The following CBLN2 variants were observed in gnomAD, a reference collection of about 807,000 sequenced individuals.
CBLN2 encodes cerebellin-2.
Under a neutral mutation model 15.0 loss-of-function variants are expected in CBLN2, and 7 were observed. That is an observed-to-expected ratio of 0.47 (90% CI 0.27 to 0.88). The LOEUF (loss-of-function observed/expected upper bound fraction) is 0.88. Among genes scored for constraint, CBLN2 ranks in the 40% least tolerant of loss-of-function variants. The pLI is 0.14. For missense variants in CBLN2, 242 were observed against 304.5 expected (o/e 0.79, Z 1.53); for synonymous variants, 149 against 135.2 (o/e 1.10, Z -0.71).
At chr18:72,568,205 C>G (rs1303764077) in intron 1 of CBLN2, among the ~76,000 whole-genome samples, 3 of 152,192 alleles carry the variant, frequency 2.0e-5, no homozygotes, top group Non-Finnish European at 4.4e-5. Context: ...CATGCACTGG[C>G]TCCAGGGTTA....
At position 72,538,205 on chromosome 18, in the gene CBLN2, A is replaced by G; in HGVS notation, c.646T>C (p.Phe216Leu). 1.2e-6 allele frequency: 2 copies of G among 1,614,096 alleles called. No individual in the cohort carries two copies. The highest frequency in any genetic ancestry group is 8.5e-7 in the Non-Finnish European group (1 of 1,180,014). The change falls in exon 5 of 5, where the codon TTC becomes CTC. Residue 216 changes from phenylalanine (F) to leucine (L), a missense_variant. Phe to Leu is a conservative substitution (Grantham distance 22). Coordinates refer to ENST00000269503, the MANE Select transcript of CBLN2 (RefSeq NM_182511.4). ...AGAGGAAACACCAAGAAGCCCGAGA[A>G]TGTGGAGTATTTCCAGCCCCCCATG... ...NLMGGWKYST[F>L]SGFLVFPL
intron 1 of CBLN2, among the ~76,000 whole-genome samples, chr18:72,584,656 G>A (rs923189529): frequency 1.3e-5 from 2 of 152,128 alleles, no homozygotes; most frequent in African/African-American, 4.8e-5. Context: ...TATAGGGAGA[G>A]AACTAAAATT....
intron 1 of CBLN2, among the ~76,000 whole-genome samples, chr18:72,559,400 A>C (rs998994717): frequency 6.6e-6 from 1 of 152,232 alleles, no homozygotes; most frequent in Admixed American, 6.5e-5. Context: ...TAGGGGCTTC[A>C]AGAAAGGCCT....
In CBLN2 at chr18:72,542,340, GA is replaced by G. The variant is rs1435381005; in HGVS notation, c.-166-15del. On this transcript the variant is annotated splice_polypyrimidine_tract_variant and intron_variant, in intron 2 of 4. Transcript: ENST00000269503. ...GCGCCTGTGAACCTGTCAGGGCACA[GA>G]ACCCAAAGCCTTACACCGGGAGGTG... 7 of 302,812 alleles carry G rather than the reference GA, an allele frequency of 2.3e-5. No individual in the cohort carries two copies. The highest frequency in any genetic ancestry group is 3.4e-5 in the Non-Finnish European group (6 of 175,962). The allele number at this position is 302,812 out of a possible 1,614,324, so 18.8% of individuals were successfully genotyped here. A position where few individuals can be genotyped will look rare whatever the true frequency, so the allele number is the denominator to read the frequency against.
intron 1 of CBLN2, among the ~76,000 whole-genome samples, chr18:72,585,440 A>G (rs2144923472): frequency 6.6e-6 from 1 of 152,238 alleles, no homozygotes; most frequent in Non-Finnish European, 1.5e-5. Flanking sequence ...AGGTCACACC[A>G]TTGTCTCTGC....
chr18:72,552,896 A>T (rs181593546), intron 1 of CBLN2, among the ~76,000 whole-genome samples: 1 of 152,198 alleles, frequency 6.6e-6, no homozygotes, highest in South Asian at 2.1e-4. Flanking sequence ...TTGTTTCAGA[A>T]GAGGTTACTA....
Position 72,595,192 on chromosome 18 carries a change from G to A in CBLN2, c.15+43133C>T, listed in dbSNP as rs74382988. On this transcript the variant is annotated intron_variant, in intron 1 of 2. Transcript: ENST00000581073. ...TGCTATAAACTACTTTCTTAGGAGT[G>A]CTTTCTCTGTATCCCAAGGTTTTGG... 2.1e-3 allele frequency among the ~76,000 whole-genome samples: 316 copies of A among 151,806 alleles called. 4 individuals are homozygous for A. The highest frequency in any genetic ancestry group is 7.4e-3 in the African/African-American group (308 of 41,442).
chr18:72,587,604 A>T (rs2069452453), intron 1 of CBLN2, among the ~76,000 whole-genome samples: 1 of 152,148 alleles, frequency 6.6e-6, no homozygotes, highest in South Asian at 2.1e-4. Context: ...ATTTTTGCAT[A>T]TTTGTTGAAG....
chr18:72,552,044 T>C (rs920459742), intron 1 of CBLN2, among the ~76,000 whole-genome samples: 1 of 152,196 alleles, frequency 6.6e-6, no homozygotes, highest in Admixed American at 6.5e-5. Context: ...TAACCTGTTT[T>C]GTCAGCGTTT....
intron 1 of CBLN2, among the ~76,000 whole-genome samples, chr18:72,594,678 G>T (rs2069501633): frequency 1.3e-5 from 2 of 151,808 alleles, no homozygotes; most frequent in Non-Finnish European, 2.9e-5. Context: ...TCTTTGTTGG[G>T]ATTCTTTTTA....
chr18:72,578,471 A>T (rs2069382419), intron 1 of CBLN2, among the ~76,000 whole-genome samples: 1 of 152,204 alleles, frequency 6.6e-6, no homozygotes, highest in Admixed American at 6.5e-5. Context: ...CAAGGATGAG[A>T]ATAACTTTCT....
chr18:72,552,375 A>G (rs2144882863), intron 1 of CBLN2, among the ~76,000 whole-genome samples: 1 of 152,174 alleles, frequency 6.6e-6, no homozygotes, highest in East Asian at 1.9e-4. Context: ...TAAGCCACTG[A>G]GCCCGGCCAA....
At chr18:72,563,166 C>T (rs1486459287) in intron 1 of CBLN2, among the ~76,000 whole-genome samples, 1 of 152,070 alleles carries the variant, frequency 6.6e-6, no homozygotes, top group Non-Finnish European at 1.5e-5. Context: ...GATTAAATCA[C>T]AATGGGGTAA....
intron 1 of CBLN2, among the ~76,000 whole-genome samples, chr18:72,634,984 A>G (rs929888599): frequency 2.8e-4 from 42 of 151,698 alleles, no homozygotes; most frequent in African/African-American, 9.9e-4. Context: ...CTTTTCCCCC[A>G]TTTCTTCCAT....
chr18:72,538,143 T>A lies in CBLN2; in HGVS notation c.*33A>T, dbSNP rs199631826. On this transcript the variant is annotated 3_prime_UTR_variant, in exon 5 of 5. Coordinates refer to ENST00000269503, the MANE Select transcript of CBLN2 (RefSeq NM_182511.4). Reference sequence around the variant, plus strand: ...AAAGGGCGGAGTCCTGGGTCCAGTTTGCCATTCCCCCACCATCTAGGGGGC... The same window carrying A: ...AAAGGGCGGAGTCCTGGGTCCAGTTAGCCATTCCCCCACCATCTAGGGGGC... 1 of 1,610,362 alleles carries A rather than the reference T, an allele frequency of 6.2e-7. No individual in the cohort carries two copies. Among genetic ancestry groups the A allele is most frequent in the Non-Finnish European group, 8.5e-7 (1 of 1,176,666 alleles).
chr18:72,561,865 T>A (rs2069263946), intron 1 of CBLN2, among the ~76,000 whole-genome samples: 1 of 152,192 alleles, frequency 6.6e-6, no homozygotes, highest in African/African-American at 2.4e-5. Flanking sequence ...TGGAGGCTCA[T>A]GTGAATTATT....
At chr18:72,584,727 C>T (rs1328428576) in intron 1 of CBLN2, among the ~76,000 whole-genome samples, 1 of 152,138 alleles carries the variant, frequency 6.6e-6, no homozygotes, top group African/African-American at 2.4e-5. Context: ...AATAGGTACA[C>T]AATAAATATT....
Position 72,628,514 on chromosome 18 carries a change from A to G in CBLN2, c.15+9811T>C, listed in dbSNP as rs564316274. Among the ~76,000 whole-genome samples, 11 of 152,296 alleles carry G rather than the reference A, an allele frequency of 7.2e-5. No individual in the cohort carries two copies. In the South Asian group the frequency reaches 1.2e-3, roughly 17 times the overall value. Reference sequence around the variant, plus strand: ...GTCTGAATTGTCCAGCATTGGACGGAGATGGCCCGGCCTTTATACTCCTTC... The same window carrying G: ...GTCTGAATTGTCCAGCATTGGACGGGGATGGCCCGGCCTTTATACTCCTTC... On this transcript the variant is annotated intron_variant, in intron 1 of 2. Transcript: ENST00000581073.
chr18:72,596,938 C>T (rs1359465927), intron 1 of CBLN2, among the ~76,000 whole-genome samples: 4 of 152,132 alleles, frequency 2.6e-5, no homozygotes, highest in Admixed American at 6.6e-5. Flanking sequence ...CCCTCTTGTA[C>T]TTGAATGTTG....
Sources: gnomAD v4.1 joint callset for allele counts (sites outside exome capture counted in the v4.1 genomes callset) on GRCh38, gnomAD v4.1.1 for gene constraint, MANE v1.5 for transcripts, NCBI Gene and HGNC (gene_info 2026-07-23, HGNC 2026-07-21) for gene names.